Variants in PKP2 observed in about 807,000 individuals in gnomAD.
PKP2 encodes plakophilin 2.
In PKP2, 73 loss-of-function variants were observed where a neutral mutation model predicts 83.4. The ratio of observed to expected loss-of-function variants is 0.88; its 90% CI spans 0.72 to 1.06. The LOEUF (loss-of-function observed/expected upper bound fraction) is 1.06. PKP2 is among the 50% of genes least tolerant of loss of function. The probability of loss-of-function intolerance (pLI) is 0.00; values close to 1 mark genes in which losing one functional copy is unlikely to be tolerated. For synonymous variants in PKP2, 409 were observed against 430.4 expected (o/e 0.95, Z 0.62); for missense variants, 966 against 1,065.4 (o/e 0.91, Z 1.30).
intron 11 of PKP2, 133 bp from the exon 12 acceptor site, chr12:32,792,864 C>T (rs753312863): frequency 3.5e-5 from 26 of 737,864 alleles, no homozygotes; most frequent in Non-Finnish European, 5.2e-5. Context: ...TCAGGCCACT[C>T]GGTGACCAGA....
intron 5 of PKP2, 84 bp from the exon 6 acceptor site, chr12:32,841,289 C>T: frequency 1.7e-6 from 2 of 1,145,428 alleles, no homozygotes; most frequent in Admixed American, 1.7e-5. Flanking sequence ...GCCATCAACT[C>T]CAGGGCTATG....
At chr12:32,796,767 A>C (rs1956130091) in intron 10 of PKP2, among the ~76,000 whole-genome samples, 1 of 152,090 alleles carries the variant, frequency 6.6e-6, no homozygotes. Flanking sequence ...CCTAATAACA[A>C]ATTTTTAAAA....
intron 10 of PKP2, among the ~76,000 whole-genome samples, chr12:32,798,586 A>T (rs1201283821): frequency 2.0e-5 from 3 of 152,148 alleles, no homozygotes; most frequent in Non-Finnish European, 4.4e-5. Context: ...TAGAATAGAA[A>T]ACCCAGAAAT....
chr12:32,885,137 G>A (rs1055633580), intron 1 of PKP2, among the ~76,000 whole-genome samples: 1 of 152,136 alleles, frequency 6.6e-6, no homozygotes, highest in Non-Finnish European at 1.5e-5. Flanking sequence ...TTGCGGGGGC[G>A]GGTAATGGTG....
In PKP2 at chr12:32,797,382, G is replaced by C. The variant is rs184889301; in HGVS notation, c.2168-1084C>G. ...AATTGCTTGAGCTTGGGAGGCAGAA[G>C]TGGCAGTGGGCAGAGATCACGCCAC... On this transcript the variant is annotated intron_variant, in intron 10 of 12. Transcript: ENST00000340811. Among the ~76,000 whole-genome samples, 623 of 148,176 alleles carry C rather than the reference G, an allele frequency of 4.2e-3. 7 individuals carry two copies. The highest frequency in any genetic ancestry group is 0.014 in the African/African-American group (581 of 40,438).
At chr12:32,863,444 A>G (rs147594431) in intron 4 of PKP2, 94 of 208,626 alleles carry the variant, frequency 4.5e-4, no homozygotes, top group Admixed American at 1.4e-3. Flanking sequence ...TAAACTAATG[A>G]AACAATAATA....
chr12:32,822,726 AC>A, intron 7 of PKP2, 95 bp from the exon 8 acceptor site: 1 of 1,343,288 alleles, frequency 7.4e-7, no homozygotes. Flanking sequence ...TACAAGGTTT[AC>A]CAGATGCAAC....
At chr12:32,814,567 A>G (rs934193333) in intron 9 of PKP2, among the ~76,000 whole-genome samples, 1 of 152,096 alleles carries the variant, frequency 6.6e-6, no homozygotes, top group African/African-American at 2.4e-5. Context: ...ACCTCAAGTT[A>G]TCAATTCTCT....
intron 10 of PKP2, among the ~76,000 whole-genome samples, chr12:32,799,530 A>G (rs562274818): frequency 6.6e-6 from 1 of 152,348 alleles, no homozygotes; most frequent in Admixed American, 6.5e-5. Context: ...TATGGAGCCA[A>G]CCTAAATGCC....
At chr12:32,892,823 G>GGGT (rs1555149544) in intron 1 of PKP2, among the ~76,000 whole-genome samples, 2 of 122,262 alleles carry the variant, frequency 1.6e-5, no homozygotes, top group African/African-American at 2.9e-5. Context: ...GGGGGCGGGG[G>GGGT]GGGGGGGAGA....
At chr12:32,896,393 C>T in intron 1 of PKP2, 116 bp downstream of exon 1, 1 of 731,570 alleles carries the variant, frequency 1.4e-6, no homozygotes, top group Non-Finnish European at 2.1e-6. Flanking sequence ...CGGCGAGCAA[C>T]AGGTGGGCAG....
At position 32,823,422 on chromosome 12, in the gene PKP2, CAAA is replaced by C. The variant is rs34680115; in HGVS notation, c.1674+620_1674+622del. Reference sequence around the variant, plus strand: ...GGGTGATGAAGCTAGACTCTGCCTCCAAAAAAAAAAAAAAAAAAAGGATTATAA... The same window carrying C: ...GGGTGATGAAGCTAGACTCTGCCTCCAAAAAAAAAAAAAAAAGGATTATAA... On this transcript the variant is annotated intron_variant, in intron 7 of 12. Coordinates refer to ENST00000340811, the MANE Select transcript of PKP2 (RefSeq NM_001005242.3). Among the ~76,000 whole-genome samples, 64 of 84,150 alleles carry C rather than the reference CAAA, an allele frequency of 7.6e-4. No individual in the cohort carries two copies. The South Asian group carries it at 0.01, about 14-fold the overall frequency. 55.2% of individuals were successfully genotyped at this position (84,150 alleles called of 152,430 possible).
chr12:32,823,792 G>A (rs1267794086), intron 7 of PKP2, among the ~76,000 whole-genome samples: 2 of 151,852 alleles, frequency 1.3e-5, no homozygotes, highest in Non-Finnish European at 2.9e-5. Context: ...TAGTAGAGAC[G>A]GGGTTTCACC....
At chr12:32,888,154 CAG>C (rs1440342869) in intron 1 of PKP2, among the ~76,000 whole-genome samples, 1 of 152,198 alleles carries the variant, frequency 6.6e-6, no homozygotes, top group African/African-American at 2.4e-5. Flanking sequence ...GCCTGGGCAA[CAG>C]AGACAGACGC....
At chr12:32,830,237 A>G (rs1592741662) in intron 6 of PKP2, among the ~76,000 whole-genome samples, 1 of 152,268 alleles carries the variant, frequency 6.6e-6, no homozygotes, top group African/African-American at 2.4e-5. Flanking sequence ...GCTTTTGTTT[A>G]ACTCCCACCT....
chr12:32,825,162 C>CTTTTTTTTTTTTTTTTTTTTTTTTTT (rs10607965), intron 6 of PKP2, among the ~76,000 whole-genome samples: 1 of 76,854 alleles, frequency 1.3e-5, no homozygotes, highest in Non-Finnish European at 2.3e-5. Context: ...AGATCAGTTT[C>CTTTTTTTTTTTTTTTTTTTTTTTTTT]TTTTTTTTTT....
intron 9 of PKP2, among the ~76,000 whole-genome samples, chr12:32,809,065 G>A (rs1260198972): frequency 2.0e-5 from 3 of 152,192 alleles, no homozygotes; most frequent in Non-Finnish European, 4.4e-5. Context: ...CTCTGTTGGG[G>A]AGGACCCTTC....
intron 1 of PKP2, among the ~76,000 whole-genome samples, chr12:32,889,730 G>A (rs1957061020): frequency 6.6e-6 from 1 of 152,116 alleles, no homozygotes. Flanking sequence ...GTCATTCTGG[G>A]TATACGGAGA....
Position 32,802,450 on chromosome 12 carries a change from G to T in PKP2, c.2120C>A (p.Ser707Ter), listed in dbSNP as rs1332888235. The T allele has an allele frequency of 6.2e-7, 1 of 1,614,088 alleles. No individual in the cohort carries two copies. Among genetic ancestry groups the T allele is most frequent in the East Asian group, 2.2e-5 (1 of 44,876 alleles). Reference protein sequence around the residue: ...GDPSVKKTAISLLRNLSRNLS... With the variant: ...GDPSVKKTAI The stretch of plus-strand genomic sequence containing the variant: ...ATTCCGGGACAGATTCCTCAGCAGC[G>T]AGATGGCTGTCTTTTTCACACTTGG... The change falls in exon 10 of 13, where the codon TCG becomes TAG. Residue 707 changes from serine to a stop codon, truncating the protein, a stop_gained. Transcript: ENST00000340811. LOFTEE classifies it high-confidence loss of function.
Sources: allele counts gnomAD v4.1 joint callset (sites outside exome capture counted in the v4.1 genomes callset), GRCh38; gene constraint gnomAD v4.1.1; transcripts MANE v1.5; gene names NCBI Gene and HGNC (gene_info 2026-07-23, HGNC 2026-07-21).